DIP2C: variants seen among roughly 807,000 people sequenced by gnomAD.
DIP2C encodes DIP2 acetate--CoA ligase C (putative).
Under a neutral mutation model 192.4 loss-of-function variants are expected in DIP2C, and 33 were observed. The observed-to-expected ratio is 0.17, with a 90% CI of 0.13 to 0.23. The LOEUF is 0.23. Ranked by LOEUF, DIP2C falls within the 10% of genes least tolerant of loss-of-function variation. The pLI is 1.00. For missense variants in DIP2C, 1,537 were observed against 2,110.1 expected (o/e 0.73, Z 5.32); for synonymous variants, 979 against 864.1 (o/e 1.13, Z -2.33).
At chr10:464,638 C>G (rs530654178) in intron 3 of DIP2C, among the ~76,000 whole-genome samples, 37 of 152,246 alleles carry the variant, frequency 2.4e-4, no homozygotes, top group African/African-American at 8.7e-4. Context: ...GGTATACACC[C>G]AAAGGATTAT....
intron 7 of DIP2C, among the ~76,000 whole-genome samples, chr10:414,703 A>ATG (rs1491313586): frequency 1.2e-5 from 1 of 86,378 alleles, no homozygotes; most frequent in African/African-American, 5.0e-5. Flanking sequence ...TAGAGTGTGT[A>ATG]TGTATGTGTG....
Position 363,457 on chromosome 10 carries a change from CCA to C in DIP2C, c.2478-148_2478-147del, listed in dbSNP as rs1959783826. 4 of 687,062 alleles carry C rather than the reference CCA, an allele frequency of 5.8e-6. No individual in the cohort carries two copies. Among genetic ancestry groups the C allele is most frequent in the Admixed American group, 2.4e-5 (1 of 40,834 alleles). The allele number at this position is 687,062 out of a possible 1,614,324, so 42.6% of individuals were successfully genotyped here. On this transcript the variant is annotated intron_variant, in intron 20 of 36. Coordinates refer to ENST00000280886, the MANE Select transcript of DIP2C (RefSeq NM_014974.3). This position sits in a 1 kb window ranked among gnomAD's most constrained non-coding sequence, Gnocchi z 5.4. ...ACGGCCGCTGTACTTCCGAATTTCC[CCA>C]CACTCATCAGTACGGGAAGAACTGT...
At chr10:537,436 C>T (rs920693202) in intron 1 of DIP2C, among the ~76,000 whole-genome samples, 1 of 152,198 alleles carries the variant, frequency 6.6e-6, no homozygotes. Context: ...CCTTTCAATT[C>T]GCCTCTTTTC....
chr10:594,237 G>A (rs1851567056), intron 1 of DIP2C, among the ~76,000 whole-genome samples: 1 of 152,090 alleles, frequency 6.6e-6, no homozygotes, highest in South Asian at 2.1e-4. Context: ...CTCCTGCCAG[G>A]CCCTTTCCTA....
At chr10:562,621 A>G (rs1358317407) in intron 1 of DIP2C, among the ~76,000 whole-genome samples, 1 of 152,272 alleles carries the variant, frequency 6.6e-6, no homozygotes, top group East Asian at 1.9e-4. Context: ...TACTTTAAAC[A>G]TTACGTGTTA....
chr10:515,993 A>G (rs1478858294), intron 1 of DIP2C, among the ~76,000 whole-genome samples: 2 of 151,826 alleles, frequency 1.3e-5, no homozygotes, highest in Non-Finnish European at 2.9e-5. Context: ...GTCTGTGCTC[A>G]AACCAGATTC....
intron 22 of DIP2C, among the ~76,000 whole-genome samples, chr10:360,359 TTAA>T (rs1959313945): frequency 6.6e-6 from 1 of 152,156 alleles, no homozygotes; most frequent in South Asian, 2.1e-4. Context: ...GCCTCGCCAT[TTAA>T]GCTACAGAGT....
chr10:338,789 T>TG (rs1957998496), intron 29 of DIP2C, among the ~76,000 whole-genome samples: 1 of 151,120 alleles, frequency 6.6e-6, no homozygotes. Flanking sequence ...CCACGCCACC[T>TG]GCACGCTGCA....
intron 1 of DIP2C, among the ~76,000 whole-genome samples, chr10:526,719 G>A (rs1378028973): frequency 6.6e-6 from 1 of 152,204 alleles, no homozygotes; most frequent in East Asian, 1.9e-4. Flanking sequence ...CGCCTATGTG[G>A]AAACTTCCGG....
chr10:540,363 T>C (rs1038297024), intron 1 of DIP2C, among the ~76,000 whole-genome samples: 1 of 152,264 alleles, frequency 6.6e-6, no homozygotes, highest in African/African-American at 2.4e-5. Context: ...GGGGGAAAGC[T>C]GCCCGGCCCA....
intron 32 of DIP2C, among the ~76,000 whole-genome samples, chr10:302,543 G>C (rs898214895): frequency 1.8e-4 from 28 of 152,200 alleles, no homozygotes; most frequent in African/African-American, 6.5e-4. Flanking sequence ...GTACAGTCAT[G>C]TACTTAACGA....
At chr10:407,560 G>C (rs1964894086) in intron 9 of DIP2C, among the ~76,000 whole-genome samples, 1 of 152,064 alleles carries the variant, frequency 6.6e-6, no homozygotes, top group Non-Finnish European at 1.5e-5. Flanking sequence ...ATGCGCAAGG[G>C]TTCCGACTTC....
chr10:393,787 A>AAG (rs1372049625), intron 10 of DIP2C, among the ~76,000 whole-genome samples: 3 of 148,164 alleles, frequency 2.0e-5, no homozygotes, highest in East Asian at 3.9e-4. Flanking sequence ...TCAAAAAAAA[A>AAG]AAAAAAAAAG....
chr10:350,751 G>A (rs533336505), intron 24 of DIP2C, among the ~76,000 whole-genome samples: 81 of 148,132 alleles, frequency 5.5e-4, no homozygotes, highest in African/African-American at 1.8e-3. Flanking sequence ...CAATTCTCCC[G>A]TTCTCCTGCC....
intron 1 of DIP2C, among the ~76,000 whole-genome samples, chr10:502,737 A>G (rs1028560949): frequency 1.3e-5 from 2 of 152,230 alleles, no homozygotes; most frequent in African/African-American, 4.8e-5. Flanking sequence ...CAGTAGCTGT[A>G]TAAAAAACAC....
intron 1 of DIP2C, among the ~76,000 whole-genome samples, chr10:573,321 A>G (rs1160846730): frequency 1.3e-5 from 2 of 152,212 alleles, no homozygotes; most frequent in Admixed American, 1.3e-4. Context: ...TGATTAAGAA[A>G]ATTTCAATGC....
At chr10:684,449 G>T (rs1411363794) in intron 1 of DIP2C, among the ~76,000 whole-genome samples, 2 of 152,176 alleles carry the variant, frequency 1.3e-5, no homozygotes, top group Non-Finnish European at 2.9e-5. Flanking sequence ...AACTGTCCGT[G>T]AGGCTCAATG....
intron 1 of DIP2C, among the ~76,000 whole-genome samples, chr10:617,655 A>C (rs1257059195): frequency 1.6e-3 from 217 of 132,120 alleles, no homozygotes; most frequent in African/African-American, 2.7e-3. Context: ...TGTGGATACC[A>C]CCCCCCCACC....
chr10:368,491 G>A (rs940103969), intron 18 of DIP2C, among the ~76,000 whole-genome samples: 24 of 152,334 alleles, frequency 1.6e-4, no homozygotes, highest in Admixed American at 9.8e-4. Context: ...GCTGGAGGGC[G>A]TCCGCAGGGA....
Sources: allele counts gnomAD v4.1 joint callset (sites outside exome capture counted in the v4.1 genomes callset), GRCh38; gene constraint gnomAD v4.1.1; non-coding constraint Gnocchi (gnomAD v3.1); transcripts MANE v1.5; gene names NCBI Gene and HGNC (gene_info 2026-07-23, HGNC 2026-07-21).